Variants in FAM81B observed in about 807,000 individuals in gnomAD.
FAM81B encodes protein FAM81B.
In FAM81B, 60 loss-of-function variants were observed where a neutral mutation model predicts 58.7. That is an observed-to-expected ratio of 1.02 (90% CI 0.83 to 1.27). The LOEUF is 1.27. Ranked by LOEUF, FAM81B falls within the 50% of genes most tolerant of loss-of-function variation. The probability of loss-of-function intolerance (pLI) is 0.00; values close to 1 mark genes in which losing one functional copy is unlikely to be tolerated. For synonymous variants in FAM81B, 189 were observed against 179.6 expected (o/e 1.05, Z -0.42); for missense variants, 491 against 522.0 (o/e 0.94, Z 0.58).
At chr5:95,434,903 C>A (rs573858083) in intron 6 of FAM81B, among the ~76,000 whole-genome samples, 1 of 152,032 alleles carries the variant, frequency 6.6e-6, no homozygotes, top group African/African-American at 2.4e-5. Context: ...AGATCCTTTG[C>A]GAAGCAAATG....
At chr5:95,445,691 TA>T (rs911910505) in intron 7 of FAM81B, among the ~76,000 whole-genome samples, 22 of 149,048 alleles carry the variant, frequency 1.5e-4, no homozygotes, top group East Asian at 2.0e-4. Flanking sequence ...AAATGCCCCC[TA>T]AAAAAAAAAT....
intron 5 of FAM81B, among the ~76,000 whole-genome samples, chr5:95,423,580 T>C (rs1363575795): frequency 1.3e-5 from 2 of 151,730 alleles, no homozygotes; most frequent in African/African-American, 4.8e-5. Context: ...ATAAATTTTG[T>C]TGATTTGTGA....
intron 3 of FAM81B, among the ~76,000 whole-genome samples, chr5:95,404,602 T>C (rs1357943358): frequency 6.6e-6 from 1 of 151,854 alleles, no homozygotes; most frequent in Non-Finnish European, 1.5e-5. Context: ...GCTGTGACTT[T>C]ATGGAGCCAC....
At chr5:95,431,072 T>C (rs10463167) in intron 6 of FAM81B, among the ~76,000 whole-genome samples, 64 of 152,242 alleles carry the variant, frequency 4.2e-4, no homozygotes, top group East Asian at 3.5e-3. Flanking sequence ...GCTCTTTATA[T>C]GGTAAGGAGA....
intron 5 of FAM81B, among the ~76,000 whole-genome samples, chr5:95,421,263 T>C (rs1762674222): frequency 6.6e-6 from 1 of 152,206 alleles, no homozygotes; most frequent in Non-Finnish European, 1.5e-5. Flanking sequence ...TCTGGGATGC[T>C]ATGGAAATGT....
chr5:95,448,797 G>T (rs571057261), intron 9 of FAM81B: 1 of 445,688 alleles, frequency 2.2e-6, no homozygotes, highest in Non-Finnish European at 4.4e-6. Flanking sequence ...TGACTTGTGG[G>T]TATGTTATGA....
Position 95,392,853 on chromosome 5 carries a change from C to T in FAM81B, c.184C>T (p.Pro62Ser), listed in dbSNP as rs752552755. ...TATAEEQPVE[P>S]DGPLPGSDNN... ...GACTGCAGAGGAACAGCCAGTTGAACCTGATGGCCCCCTTCCTGGCTCAGA... is the reference window on the plus strand; with the variant it reads ...GACTGCAGAGGAACAGCCAGTTGAATCTGATGGCCCCCTTCCTGGCTCAGA... Residue 62 changes from proline (P) to serine (S), a missense_variant, in exon 2 of 10, where the codon CCT becomes TCT. Physicochemically the swap from Pro to Ser is moderately conservative, Grantham distance 74 (BLOSUM62 -1). Coordinates refer to ENST00000283357, the MANE Select transcript of FAM81B (RefSeq NM_152548.3). The T allele has an allele frequency of 1.2e-5, 20 of 1,612,356 alleles. No individual in the cohort carries two copies. In the African/African-American group the frequency reaches 1.7e-4, roughly 14 times the overall value.
intron 8 of FAM81B, 54 bp from the exon 9 acceptor site, chr5:95,448,215 G>A: frequency 6.7e-7 from 1 of 1,481,794 alleles, no homozygotes. Flanking sequence ...TCTCTAAGCT[G>A]AAAGATAAAT....
intron 6 of FAM81B, among the ~76,000 whole-genome samples, chr5:95,432,232 T>C (rs753368332): frequency 1.2e-4 from 18 of 152,132 alleles, no homozygotes; most frequent in Non-Finnish European, 2.4e-4. Context: ...TTGCATTTTC[T>C]AAAATAAATT....
chr5:95,444,468 G>A (rs1230943155), intron 7 of FAM81B, among the ~76,000 whole-genome samples: 1 of 152,180 alleles, frequency 6.6e-6, no homozygotes, highest in Non-Finnish European at 1.5e-5. Context: ...AGGAGCCAAT[G>A]GATATTCTGA....
In FAM81B at chr5:95,414,163, C is replaced by T. The variant is rs1241473145; in HGVS notation, c.510C>T (p.Ile170=). The T allele has an allele frequency of 9.3e-6, 15 of 1,610,812 alleles. No individual in the cohort carries two copies. The highest frequency in any genetic ancestry group is 1.2e-5 in the Non-Finnish European group (14 of 1,179,004). ...GCCACATCCAGACCATCACCAGCAT[C>T]GTCAAAAAACTCAGCCAAAATATTG... ...LESHIQTITS[I]VKKLSQNIEI... The change falls in exon 4 of 10, where the codon ATC becomes ATT. Residue 170 remains isoleucine (I), a synonymous_variant. Coordinates refer to ENST00000283357, the MANE Select transcript of FAM81B (RefSeq NM_152548.3).
chr5:95,421,606 T>TG (rs1289962176), intron 5 of FAM81B, among the ~76,000 whole-genome samples: 2 of 151,356 alleles, frequency 1.3e-5, no homozygotes, highest in Non-Finnish European at 2.9e-5. Flanking sequence ...TAAATGACCA[T>TG]GGGGGGATTT....
chr5:95,440,896 G>A (rs1201344036), intron 7 of FAM81B, among the ~76,000 whole-genome samples: 3 of 152,164 alleles, frequency 2.0e-5, no homozygotes, highest in Non-Finnish European at 4.4e-5. Context: ...ACCTTCACTC[G>A]GGATACCTCT....
At chr5:95,400,254 A>G (rs1215561964) in intron 3 of FAM81B, among the ~76,000 whole-genome samples, 1 of 152,174 alleles carries the variant, frequency 6.6e-6, no homozygotes, top group Non-Finnish European at 1.5e-5. Context: ...GAGGGCTCCA[A>G]GGGGAACCTG....
intron 3 of FAM81B, chr5:95,397,121 C>A (rs2152760264): frequency 6.6e-6 from 1 of 152,262 alleles, no homozygotes; most frequent in Admixed American, 6.5e-5. Flanking sequence ...ATTTTTACTG[C>A]ATTTTTTTCA....
intron 3 of FAM81B, among the ~76,000 whole-genome samples, chr5:95,409,838 G>T (rs889995667): frequency 2.0e-5 from 3 of 152,178 alleles, no homozygotes; most frequent in Non-Finnish European, 2.9e-5. Context: ...ACAACCAACA[G>T]GGAAGAAACA....
intron 7 of FAM81B, among the ~76,000 whole-genome samples, chr5:95,439,032 T>G (rs1234633078): frequency 6.6e-6 from 1 of 150,942 alleles, no homozygotes; most frequent in Non-Finnish European, 1.5e-5. Context: ...TCCAGATCAG[T>G]AAATGTTCTA....
rs1258541708 is a variant in FAM81B at position 95,421,151 on chromosome 5, T to C, written c.656+749T>C. Among the ~76,000 whole-genome samples, 3 of 152,208 alleles carry C rather than the reference T, an allele frequency of 2.0e-5. 1 individual carries two copies. Among genetic ancestry groups the C allele is most frequent in the Non-Finnish European group, 1.5e-5 (1 of 68,036 alleles). ...ACTCATCTTATGCCAGGCCGTGTAA[T>C]GTTAGAATTCAGCAACATGGTCTCC... On this transcript the variant is annotated intron_variant, in intron 5 of 9. Transcript: ENST00000283357.
chr5:95,402,285 T>A (rs1762134496), intron 3 of FAM81B, among the ~76,000 whole-genome samples: 3 of 152,232 alleles, frequency 2.0e-5, no homozygotes. Flanking sequence ...AACAATATTC[T>A]CTGTCCTTGT....
Sources: gnomAD v4.1 joint callset for allele counts (sites outside exome capture counted in the v4.1 genomes callset) on GRCh38, gnomAD v4.1.1 for gene constraint, MANE v1.5 for transcripts, NCBI Gene and HGNC (gene_info 2026-07-23, HGNC 2026-07-21) for gene names.